Variants in LHFPL3 observed in about 807,000 individuals in gnomAD.
LHFPL3 encodes LHFPL tetraspan subfamily member 3.
In LHFPL3, 5 loss-of-function variants were observed where a neutral mutation model predicts 19.3. That is an observed-to-expected ratio of 0.26 (90% confidence interval 0.14 to 0.54). The LOEUF (loss-of-function observed/expected upper bound fraction) is 0.54, where lower values mean the gene tolerates loss of function less well. Ranked by LOEUF, LHFPL3 falls within the 20% of genes least tolerant of loss-of-function variation. The pLI is 0.94. For synonymous variants in LHFPL3, 133 were observed against 126.2 expected (o/e 1.05, Z -0.36); for missense variants, 249 against 307.4 (o/e 0.81, Z 1.42).
At chr7:104,852,095 C>T (rs575563223) in intron 2 of LHFPL3, among the ~76,000 whole-genome samples, 1 of 152,068 alleles carries the variant, frequency 6.6e-6, no homozygotes, top group Non-Finnish European at 1.5e-5. Flanking sequence ...GCAGATACCC[C>T]CCAACCCTCA....
intron 1 of LHFPL3, among the ~76,000 whole-genome samples, chr7:104,558,563 T>C (rs1271955599): frequency 6.3e-4 from 95 of 151,606 alleles, no homozygotes; most frequent in African/African-American, 2.0e-3. Flanking sequence ...GAGTTCATTG[T>C]AGATTCTGGA....
intron 1 of LHFPL3, among the ~76,000 whole-genome samples, chr7:104,573,295 C>T (rs1273271607): frequency 6.6e-6 from 1 of 151,734 alleles, no homozygotes; most frequent in Non-Finnish European, 1.5e-5. Context: ...ACCTGTAATC[C>T]TAGCTACTGG....
chr7:104,889,146 T>TAG (rs1173752103), intron 2 of LHFPL3, among the ~76,000 whole-genome samples: 1 of 152,236 alleles, frequency 6.6e-6, no homozygotes, highest in African/African-American at 2.4e-5. Context: ...ACTCAACATA[T>TAG]AGTGTCTAAA....
At chr7:104,590,105 T>C (rs183765338) in intron 1 of LHFPL3, among the ~76,000 whole-genome samples, 1 of 152,356 alleles carries the variant, frequency 6.6e-6, no homozygotes, top group Admixed American at 6.5e-5. Context: ...TTTGTGTCTC[T>C]ATCTCCTTCA....
chr7:104,493,616 C>A (rs1036765170), intron 1 of LHFPL3, among the ~76,000 whole-genome samples: 9 of 152,088 alleles, frequency 5.9e-5, no homozygotes, highest in Non-Finnish European at 8.8e-5. Context: ...GTCTTGGAGT[C>A]AGTAGGATCA....
chr7:104,330,313 G>A (rs1225776823), intron 1 of LHFPL3, among the ~76,000 whole-genome samples: 3 of 152,164 alleles, frequency 2.0e-5, no homozygotes, highest in Non-Finnish European at 4.4e-5. Context: ...GGTTGTAGAA[G>A]GGCACTGAAT....
At chr7:104,551,998 C>A (rs1035574063) in intron 1 of LHFPL3, among the ~76,000 whole-genome samples, 1 of 152,190 alleles carries the variant, frequency 6.6e-6, no homozygotes, top group African/African-American at 2.4e-5. Flanking sequence ...TGGAGGACTA[C>A]CTCAAACCTT....
chr7:104,649,141 A>C (rs1389504930), intron 1 of LHFPL3, among the ~76,000 whole-genome samples: 2 of 152,242 alleles, frequency 1.3e-5, no homozygotes, highest in Admixed American at 1.3e-4. Context: ...ATAGGTTAGC[A>C]AGCAGAATTC....
Position 104,368,269 on chromosome 7 carries a change from C to T in LHFPL3, c.445+39045C>T, listed in dbSNP as rs927457753. 2.0e-5 allele frequency among the ~76,000 whole-genome samples: 3 copies of T among 152,162 alleles called. No homozygotes were observed. In the South Asian group the frequency reaches 6.2e-4, roughly 32 times the overall value. ...GCTTGTGGTTAAAACTCTGTGCAGCCTCTTTTAGTTGTTGTTGTTATTGTG... is the reference window on the plus strand; with the variant it reads ...GCTTGTGGTTAAAACTCTGTGCAGCTTCTTTTAGTTGTTGTTGTTATTGTG... On this transcript the variant is annotated intron_variant, in intron 1 of 2. Transcript: ENST00000424859.
At chr7:104,821,467 T>C (rs1387958318) in intron 2 of LHFPL3, among the ~76,000 whole-genome samples, 1 of 152,230 alleles carries the variant, frequency 6.6e-6, no homozygotes, top group Non-Finnish European at 1.5e-5. Context: ...ATTCTCTTGA[T>C]TCTGAAATGA....
intron 1 of LHFPL3, among the ~76,000 whole-genome samples, chr7:104,572,478 T>G (rs1562938611): frequency 6.6e-6 from 1 of 152,212 alleles, no homozygotes; most frequent in Non-Finnish European, 1.5e-5. Context: ...TTTATGGACT[T>G]AAATCAAGAC....
At chr7:104,864,594 G>A (rs1791685261) in intron 2 of LHFPL3, among the ~76,000 whole-genome samples, 1 of 152,090 alleles carries the variant, frequency 6.6e-6, no homozygotes, top group African/African-American at 2.4e-5. Context: ...TGCAGACCAG[G>A]AAGCTTGAAC....
chr7:104,780,340 G>T (rs1384588305), intron 2 of LHFPL3, among the ~76,000 whole-genome samples: 1 of 152,074 alleles, frequency 6.6e-6, no homozygotes, highest in Non-Finnish European at 1.5e-5. Flanking sequence ...GCATATCCCC[G>T]TAAGTCCTCA....
chr7:104,882,942 T>C (rs972082947), intron 2 of LHFPL3, among the ~76,000 whole-genome samples: 12 of 152,318 alleles, frequency 7.9e-5, no homozygotes, highest in Admixed American at 7.2e-4. Context: ...CATTCCCGCA[T>C]GTAGAACTTT....
At chr7:104,513,243 G>A (rs181974) in intron 1 of LHFPL3, among the ~76,000 whole-genome samples, 14,894 of 152,172 alleles carry the variant, frequency 0.098, 1,023 homozygotes, top group East Asian at 0.2. Context: ...GTTCTCAGCT[G>A]GTAGGTAGGA....
rs757625464 is a variant in LHFPL3, at chr7:104,525,909, A to G, written c.445+196685A>G. ...GGTGAGCTACTGTGCCTGGCCCTTT[A>G]TCTTCTTTTGACTCTGCTTATCTCT... On this transcript the variant is annotated intron_variant, in intron 1 of 2. Transcript: ENST00000424859. Among the ~76,000 whole-genome samples the G allele has an allele frequency of 3.5e-4, 53 of 151,862 alleles. 1 individual carries two copies. The highest frequency in any genetic ancestry group is 6.5e-4 in the Non-Finnish European group (44 of 67,898).
Position 104,906,961 on chromosome 7 carries a change from AAGC to A in LHFPL3, c.*748_*750del, listed in dbSNP as rs1792633028. Reference sequence around the variant, plus strand: ...GTACATCTTTACATCATAGGTTCCCAAGCAACATAGATTTCCCTATCTTTCAGG... The same window carrying A: ...GTACATCTTTACATCATAGGTTCCCAAACATAGATTTCCCTATCTTTCAGG... On this transcript the variant is annotated 3_prime_UTR_variant, in exon 3 of 3. Transcript: ENST00000424859. 1 of 152,636 alleles carries A rather than the reference AAGC, an allele frequency of 6.6e-6. No homozygotes were observed. The highest frequency in any genetic ancestry group is 6.5e-5 in the Admixed American group (1 of 15,278). 9.5% of individuals were successfully genotyped at this position (152,636 alleles called of 1,614,324 possible). A position where few individuals can be genotyped will look rare whatever the true frequency, so the allele number is the denominator to read the frequency against.
intron 2 of LHFPL3, among the ~76,000 whole-genome samples, chr7:104,824,138 T>TCCA (rs1323556960): frequency 1.4e-5 from 1 of 71,762 alleles, no homozygotes; most frequent in African/African-American, 5.4e-5. Context: ...AGAGTAAGAC[T>TCCA]TCTCTGTTTC....
intron 1 of LHFPL3, among the ~76,000 whole-genome samples, chr7:104,351,702 C>T (rs535416782): frequency 7.2e-5 from 11 of 152,140 alleles, no homozygotes; most frequent in South Asian, 2.1e-4. Context: ...AGTGTTTGAG[C>T]GAATTTACAA....
Sources: gnomAD v4.1 joint callset for allele counts (sites outside exome capture counted in the v4.1 genomes callset) on GRCh38, gnomAD v4.1.1 for gene constraint, MANE v1.5 for transcripts, NCBI Gene and HGNC (gene_info 2026-07-23, HGNC 2026-07-21) for gene names.